Variants in MFF observed in about 807,000 individuals in gnomAD.
MFF encodes chromosome 2 open reading frame 33.
A neutral mutation model predicts 36.9 loss-of-function variants in MFF; 12 were observed. The ratio of observed to expected loss-of-function variants is 0.33; its 90% CI spans 0.21 to 0.53. The LOEUF is 0.53. Ranked by LOEUF, MFF falls within the 20% of genes least tolerant of loss-of-function variation. The pLI, the probability that MFF is intolerant of heterozygous loss-of-function variation, is 0.95. For synonymous variants in MFF, 99 were observed against 126.2 expected (o/e 0.78, Z 1.44); for missense variants, 348 against 366.6 (o/e 0.95, Z 0.42).
chr2:227,341,818 C>G (rs1369945519), intron 5 of MFF, among the ~76,000 whole-genome samples: 1 of 152,046 alleles, frequency 6.6e-6, no homozygotes, highest in African/African-American at 2.4e-5. Context: ...ATGTGGCTTA[C>G]TATTTAGGTT....
chr2:227,329,499 C>A, intron 2 of MFF: 1 of 379,924 alleles, frequency 2.6e-6, no homozygotes, highest in Non-Finnish European at 4.7e-6. Context: ...AAGCCCTAAG[C>A]CATGTTCAAA....
chr2:227,344,569 T>C (rs2075603953), intron 5 of MFF, among the ~76,000 whole-genome samples: 1 of 152,224 alleles, frequency 6.6e-6, no homozygotes, highest in Admixed American at 6.5e-5. Context: ...CTTAAAGTTT[T>C]AAAAAGGAAA....
At chr2:227,349,246 T>C (rs1270879259) in intron 6 of MFF, among the ~76,000 whole-genome samples, 1 of 152,080 alleles carries the variant, frequency 6.6e-6, no homozygotes, top group Non-Finnish European at 1.5e-5. Context: ...ATTGCAATAA[T>C]GTGGAACTTA....
chr2:227,334,487 A>G (rs181526070), intron 4 of MFF, among the ~76,000 whole-genome samples: 1 of 152,280 alleles, frequency 6.6e-6, no homozygotes, highest in East Asian at 1.9e-4. Context: ...TGAAATAGAG[A>G]AGCAGTAAGG....
At position 227,332,491 on chromosome 2, in the gene MFF, T is replaced by C; in HGVS notation, c.254T>C (p.Leu85Pro). ...DLIQSTPFKPLALKTPPRVLT... is the reference protein window; with the variant it reads ...DLIQSTPFKPPALKTPPRVLT... ...ATTCAGTCAACTCCCTTTAAACCCC[T>C]GGCACTGAAAACACCACCTCGTGTA... Residue 85 changes from leucine to proline, a missense_variant, in exon 4 of 9, where the codon CTG becomes CCG. Transcript: ENST00000304593. 1 of 1,613,790 alleles carries C rather than the reference T, an allele frequency of 6.2e-7. No homozygotes were observed. The highest frequency in any genetic ancestry group is 8.5e-7 in the Non-Finnish European group (1 of 1,179,734).
At chr2:227,332,267 C>T (rs992867551) in intron 3 of MFF, 152 bp from the exon 4 acceptor site, 60 of 601,572 alleles carry the variant, frequency 1.0e-4, no homozygotes, top group Non-Finnish European at 1.5e-4. Flanking sequence ...CCACCGCGCC[C>T]GGCCTGGAAG....
chr2:227,337,094 GAA>G (rs751344299), intron 4 of MFF, among the ~76,000 whole-genome samples: 4 of 152,226 alleles, frequency 2.6e-5, no homozygotes, highest in African/African-American at 7.2e-5. Flanking sequence ...AGTCTGGAGA[GAA>G]GAGGAAAAGC....
intron 5 of MFF, among the ~76,000 whole-genome samples, chr2:227,341,484 G>A (rs535565858): frequency 6.6e-6 from 1 of 152,218 alleles, no homozygotes; most frequent in South Asian, 2.1e-4. Context: ...TGTAGGAAGA[G>A]AGCAGGTTAA....
chr2:227,333,019 C>T (rs1007652388), intron 4 of MFF, among the ~76,000 whole-genome samples: 1 of 152,238 alleles, frequency 6.6e-6, no homozygotes, highest in Non-Finnish European at 1.5e-5. Context: ...AGCTACTCTA[C>T]TGCATCACGT....
At chr2:227,326,976 G>A (rs562161332) in intron 1 of MFF, among the ~76,000 whole-genome samples, 4 of 152,286 alleles carry the variant, frequency 2.6e-5, no homozygotes, top group African/African-American at 7.2e-5. Flanking sequence ...CTTTCCGCTA[G>A]TGGCATGTGA....
chr2:227,326,657 A>T (rs774058170), intron 1 of MFF, among the ~76,000 whole-genome samples: 1 of 152,198 alleles, frequency 6.6e-6, no homozygotes, highest in Non-Finnish European at 1.5e-5. Flanking sequence ...GTTCATTAAT[A>T]TATAGTTTTA....
Position 227,357,247 on chromosome 2 carries a change from A to G in MFF, c.*130A>G. On this transcript the variant is annotated 3_prime_UTR_variant, in exon 9 of 9. Coordinates refer to ENST00000304593, the MANE Select transcript of MFF (RefSeq NM_001277062.2). ...CACCCTGAAAATGTATTTCTTCCAGAAAGTCTGGAGGAAGGACCTATATTT... is the reference window on the plus strand; with the variant it reads ...CACCCTGAAAATGTATTTCTTCCAGGAAGTCTGGAGGAAGGACCTATATTT... 1.9e-6 allele frequency: 2 copies of G among 1,045,598 alleles called. No individual in the cohort carries two copies. Among genetic ancestry groups the G allele is most frequent in the Non-Finnish European group, 2.7e-6 (2 of 732,988 alleles). The allele number at this position is 1,045,598 out of a possible 1,614,324, so 64.8% of individuals were successfully genotyped here.
chr2:227,356,902 A>G (rs1408501943), intron 8 of MFF, 84 bp from the exon 9 acceptor site: 6 of 1,073,406 alleles, frequency 5.6e-6, no homozygotes, highest in Non-Finnish European at 8.0e-6. Context: ...ACAAATTATT[A>G]TACTACTTAC....
intron 3 of MFF, among the ~76,000 whole-genome samples, chr2:227,331,288 C>T (rs933202161): frequency 4.6e-5 from 7 of 152,154 alleles, no homozygotes; most frequent in African/African-American, 1.7e-4. Context: ...AGAGTATATA[C>T]TCTTATCTGT....
chr2:227,354,745 A>G (rs886672190), intron 7 of MFF, among the ~76,000 whole-genome samples: 34 of 147,516 alleles, frequency 2.3e-4, no homozygotes, highest in African/African-American at 8.7e-4. Flanking sequence ...GTATTATTTT[A>G]TACACAGCAT....
chr2:227,330,431 A>G, intron 2 of MFF, 195 bp from the exon 3 acceptor site: 1 of 567,462 alleles, frequency 1.8e-6, no homozygotes, highest in Non-Finnish European at 3.1e-6. Flanking sequence ...GTACAATTTC[A>G]GCTGATAATT....
intron 6 of MFF, 29 bp from the exon 7 acceptor site, chr2:227,352,485 G>T (rs752451299): frequency 2.0e-6 from 3 of 1,506,934 alleles, no homozygotes; most frequent in Non-Finnish European, 9.0e-7. Context: ...ATTCTGTCTT[G>T]TGCCTTCTCC....
intron 3 of MFF, 88 bp from the exon 4 acceptor site, chr2:227,332,331 A>C (rs926120974): frequency 2.1e-6 from 2 of 974,788 alleles, no homozygotes; most frequent in Non-Finnish European, 3.0e-6. Context: ...AAAGCAGAAG[A>C]AGGTAAATAC....
At chr2:227,342,638 G>A in intron 5 of MFF, 1 of 813,292 alleles carries the variant, frequency 1.2e-6, no homozygotes, top group East Asian at 2.7e-5. Context: ...ATAAGATTGT[G>A]GTCAGCTATT....
Sources: gnomAD v4.1 joint callset for allele counts (sites outside exome capture counted in the v4.1 genomes callset) on GRCh38, gnomAD v4.1.1 for gene constraint, MANE v1.5 for transcripts, NCBI Gene and HGNC (gene_info 2026-07-23, HGNC 2026-07-21) for gene names.